SEMA3E: variants seen among roughly 807,000 people sequenced by gnomAD.
SEMA3E encodes semaphorin 3E, also known as semaphorin-3E.
A neutral mutation model predicts 93.6 loss-of-function variants in SEMA3E; 49 were observed. The observed-to-expected ratio is 0.52, with a 90% confidence interval of 0.42 to 0.66. SEMA3E has a LOEUF of 0.66. Among genes scored for constraint, SEMA3E ranks in the 30% least tolerant of loss-of-function variants. SEMA3E has a pLI of 0.00. For synonymous variants in SEMA3E, 363 were observed against 330.7 expected, an observed-to-expected ratio of 1.10 and a Z score of -1.06; for missense variants, 906 against 964.8, an observed-to-expected ratio of 0.94 and a Z score of 0.81.
In SEMA3E at chr7:83,396,881, C is replaced by G. The variant is rs1415104051; in HGVS notation, c.1367-152G>C. On this transcript the variant is annotated intron_variant, in intron 11 of 16. Coordinates refer to ENST00000643230, the MANE Select transcript of SEMA3E (RefSeq NM_012431.3). ...ATCTCTTGAGGTCAGGAGTTCAAGA[C>G]TAGCCTGGCCAAGAAGGCAAAACCC... 5 of 598,618 alleles carry G rather than the reference C, an allele frequency of 8.4e-6. No individual in the cohort carries two copies. In the Admixed American group the frequency reaches 1.1e-4, roughly 14 times the overall value. The allele number at this position is 598,618 out of a possible 1,614,324, so 37.1% of individuals were successfully genotyped here.
chr7:83,431,431 G>A (rs1043960090), intron 4 of SEMA3E, among the ~76,000 whole-genome samples: 15 of 151,926 alleles, frequency 9.9e-5, no homozygotes, highest in African/African-American at 1.7e-4. Flanking sequence ...AATATAATAT[G>A]ATTAAGGGTT....
At chr7:83,602,572 G>A (rs1406332402) in intron 1 of SEMA3E, among the ~76,000 whole-genome samples, 1 of 151,934 alleles carries the variant, frequency 6.6e-6, no homozygotes, top group Non-Finnish European at 1.5e-5. Context: ...CCGCCTCCTG[G>A]GTTCAAGTGA....
chr7:83,569,057 A>T (rs2115861219), intron 1 of SEMA3E, among the ~76,000 whole-genome samples: 1 of 152,240 alleles, frequency 6.6e-6, no homozygotes, highest in East Asian at 1.9e-4. Context: ...TTAACAAACT[A>T]TTATTAAAGT....
chr7:83,396,153 ATGT>A (rs374570807), intron 12 of SEMA3E, among the ~76,000 whole-genome samples: 10 of 152,028 alleles, frequency 6.6e-5, no homozygotes, highest in Admixed American at 3.3e-4. Flanking sequence ...GCACCTATGT[ATGT>A]TAAGTGTATC....
intron 1 of SEMA3E, among the ~76,000 whole-genome samples, chr7:83,591,026 T>C (rs1054592672): frequency 2.0e-5 from 3 of 151,250 alleles, no homozygotes; most frequent in South Asian, 2.1e-4. Context: ...TACTTGTTCT[T>C]GAGCAGGAAG....
At chr7:83,458,933 A>C (rs1195844648) in intron 4 of SEMA3E, among the ~76,000 whole-genome samples, 1 of 137,236 alleles carries the variant, frequency 7.3e-6, no homozygotes, top group Non-Finnish European at 1.5e-5. Flanking sequence ...GTATATATGT[A>C]TATATATACA....
At chr7:83,603,238 C>A (rs1793036676) in intron 1 of SEMA3E, among the ~76,000 whole-genome samples, 1 of 151,950 alleles carries the variant, frequency 6.6e-6, no homozygotes, top group South Asian at 2.1e-4. Flanking sequence ...CCAAATACCA[C>A]CCAAGAAAAC....
chr7:83,561,931 T>A (rs1167599616), intron 1 of SEMA3E, among the ~76,000 whole-genome samples: 1 of 152,108 alleles, frequency 6.6e-6, no homozygotes, highest in Non-Finnish European at 1.5e-5. Flanking sequence ...AGAAGCCCTT[T>A]TGAAAGAAAA....
chr7:83,592,275 T>C (rs574947384), intron 1 of SEMA3E, among the ~76,000 whole-genome samples: 1 of 152,238 alleles, frequency 6.6e-6, no homozygotes, highest in African/African-American at 2.4e-5. Flanking sequence ...AAATCTGGAC[T>C]GAAGCTAGAT....
chr7:83,525,765 T>A (rs544576165), intron 1 of SEMA3E, among the ~76,000 whole-genome samples: 134 of 145,422 alleles, frequency 9.2e-4, no homozygotes, highest in Non-Finnish European at 1.6e-3. Context: ...TCTAAGTTCC[T>A]TCATTTTTGT....
intron 1 of SEMA3E, among the ~76,000 whole-genome samples, chr7:83,532,437 T>C (rs969771749): frequency 6.6e-6 from 1 of 152,176 alleles, no homozygotes; most frequent in African/African-American, 2.4e-5. Context: ...TAGTAGTGAC[T>C]GGCACATCAC....
chr7:83,486,089 C>T (rs1245812908), intron 2 of SEMA3E, among the ~76,000 whole-genome samples: 1 of 152,050 alleles, frequency 6.6e-6, no homozygotes, highest in Non-Finnish European at 1.5e-5. Context: ...CACTGTGCTG[C>T]CCAGGCTGAT....
intron 1 of SEMA3E, among the ~76,000 whole-genome samples, chr7:83,642,480 G>A (rs1156812704): frequency 2.6e-5 from 4 of 152,100 alleles, no homozygotes; most frequent in African/African-American, 4.8e-5. Context: ...TGGTGTAAAT[G>A]TGGTATGGAC....
intron 1 of SEMA3E, among the ~76,000 whole-genome samples, chr7:83,549,716 T>C (rs1328236492): frequency 6.6e-6 from 1 of 152,114 alleles, no homozygotes. Flanking sequence ...TATTTTCATC[T>C]TCTGCTAGAT....
intron 1 of SEMA3E, among the ~76,000 whole-genome samples, chr7:83,630,725 G>A (rs776186675): frequency 1.4e-4 from 21 of 152,074 alleles, no homozygotes; most frequent in Non-Finnish European, 2.9e-4. Flanking sequence ...AGTTCTTCCT[G>A]TATACTCAAA....
intron 1 of SEMA3E, among the ~76,000 whole-genome samples, chr7:83,627,034 C>G (rs1186433001): frequency 6.6e-6 from 1 of 152,196 alleles, no homozygotes; most frequent in Non-Finnish European, 1.5e-5. Flanking sequence ...TTTTCTTAAT[C>G]CTGAGTTCTA....
chr7:83,620,429 C>G (rs1260229118), intron 1 of SEMA3E, among the ~76,000 whole-genome samples: 1 of 152,072 alleles, frequency 6.6e-6, no homozygotes, highest in East Asian at 1.9e-4. Context: ...CAAAGAGGAG[C>G]TGGTACCATT....
chr7:83,507,197 C>T (rs896544911), intron 1 of SEMA3E, among the ~76,000 whole-genome samples: 1 of 152,126 alleles, frequency 6.6e-6, no homozygotes, highest in African/African-American at 2.4e-5. Context: ...GTTGGATCCT[C>T]TGGCAAGGTC....
At chr7:83,389,950 ATG>A in intron 14 of SEMA3E, among the ~76,000 whole-genome samples, 2 of 53,062 alleles carry the variant, frequency 3.8e-5, no homozygotes, top group Non-Finnish European at 9.2e-5. Flanking sequence ...ATACACGTAT[ATG>A]TGTATAGTGT....
Sources: allele counts gnomAD v4.1 joint callset (sites outside exome capture counted in the v4.1 genomes callset), GRCh38; gene constraint gnomAD v4.1.1; transcripts MANE v1.5; gene names NCBI Gene and HGNC (gene_info 2026-07-23, HGNC 2026-07-21).